Variants in FUT8 observed in about 807,000 individuals in gnomAD.
The protein encoded by FUT8 is fucosyltransferase 8.
In FUT8, 29 loss-of-function variants were observed where a neutral mutation model predicts 71.3. The observed-to-expected ratio is 0.41, with a 90% confidence interval of 0.30 to 0.55. The LOEUF (loss-of-function observed/expected upper bound fraction) is 0.55, where lower values mean the gene tolerates loss of function less well. Among genes scored for constraint, FUT8 ranks in the 20% least tolerant of loss-of-function variants. FUT8 has a pLI of 0.34. For synonymous variants in FUT8, 254 were observed against 239.3 expected, an observed-to-expected ratio of 1.06 and a Z score of -0.57; for missense variants, 544 against 702.1, an observed-to-expected ratio of 0.77 and a Z score of 2.55.
At chr14:65,568,488 A>T (rs1000009430) in intron 3 of FUT8, among the ~76,000 whole-genome samples, 3 of 151,452 alleles carry the variant, frequency 2.0e-5, no homozygotes, top group Non-Finnish European at 4.4e-5. Flanking sequence ...TTTTGTCATT[A>T]ATTTAAAATA....
intron 2 of FUT8, among the ~76,000 whole-genome samples, chr14:65,469,331 C>A (rs2066099675): frequency 6.6e-6 from 1 of 152,080 alleles, no homozygotes; most frequent in Non-Finnish European, 1.5e-5. Flanking sequence ...CATAGCCAGA[C>A]AGAATGTATC....
intron 2 of FUT8, among the ~76,000 whole-genome samples, chr14:65,538,530 G>A (rs1426726438): frequency 6.6e-6 from 1 of 152,156 alleles, no homozygotes; most frequent in Non-Finnish European, 1.5e-5. Context: ...CTGGAGCTGA[G>A]GACATGAAGC....
intron 2 of FUT8, among the ~76,000 whole-genome samples, chr14:65,478,760 T>C (rs143754591): frequency 0.01 from 1,586 of 152,342 alleles, 29 homozygotes; most frequent in African/African-American, 0.037. Flanking sequence ...CAATGAGATA[T>C]GTTTTCTTTG....
chr14:65,604,872 G>T (rs892150558), intron 3 of FUT8, among the ~76,000 whole-genome samples: 1 of 151,916 alleles, frequency 6.6e-6, no homozygotes, highest in Admixed American at 6.6e-5. Flanking sequence ...TATTCTGAGT[G>T]TTGTGCATAC....
At chr14:65,404,435 G>A in the FUT8 span, among the ~76,000 whole-genome samples, 1 of 151,704 alleles carries the variant, frequency 6.6e-6, no homozygotes, top group Non-Finnish European at 1.5e-5. Context: ...GCCTCCCAAA[G>A]TGCTGGGATT....
At chr14:65,473,021 T>A (rs1052637200) in intron 2 of FUT8, among the ~76,000 whole-genome samples, 2 of 152,148 alleles carry the variant, frequency 1.3e-5, no homozygotes, top group African/African-American at 4.8e-5. Context: ...TGTAAAAGAA[T>A]TACATGCAGT....
chr14:65,561,829 C>T, intron 3 of FUT8, 63 bp downstream of exon 3: 1 of 1,275,990 alleles, frequency 7.8e-7, no homozygotes, highest in Non-Finnish European at 1.1e-6. Context: ...AGGTGTAGGG[C>T]TTCATTCCGC....
chr14:65,650,251 A>G (rs1433869166), intron 6 of FUT8, among the ~76,000 whole-genome samples: 1 of 131,406 alleles, frequency 7.6e-6, no homozygotes, highest in Non-Finnish European at 1.6e-5. Context: ...GTGAGCCGAG[A>G]TCGTGCCACT....
At chr14:65,596,087 A>G (rs957335206) in intron 3 of FUT8, among the ~76,000 whole-genome samples, 8 of 152,202 alleles carry the variant, frequency 5.3e-5, no homozygotes, top group Admixed American at 1.3e-4. Flanking sequence ...ACAAACTGGT[A>G]ATCTGGATTC....
intron 2 of FUT8, among the ~76,000 whole-genome samples, chr14:65,547,364 T>C (rs1443384670): frequency 1.3e-5 from 2 of 151,476 alleles, no homozygotes; most frequent in East Asian, 1.9e-4. Flanking sequence ...TTCTGCTTGC[T>C]ATGTTTTGTG....
intron 3 of FUT8, among the ~76,000 whole-genome samples, chr14:65,598,684 T>G (rs1379134711): frequency 1.3e-5 from 2 of 152,222 alleles, no homozygotes; most frequent in African/African-American, 2.4e-5. Flanking sequence ...GAAAATAATG[T>G]GTTTTCATAG....
chr14:65,592,142 T>C (rs1023804746), intron 3 of FUT8, among the ~76,000 whole-genome samples: 2 of 152,162 alleles, frequency 1.3e-5, no homozygotes, highest in East Asian at 3.8e-4. Flanking sequence ...TCAGCTTCAT[T>C]TTTAAAACAG....
At chr14:65,449,253 A>C (rs1048844972) in intron 1 of FUT8, among the ~76,000 whole-genome samples, 2 of 152,228 alleles carry the variant, frequency 1.3e-5, no homozygotes, top group Non-Finnish European at 2.9e-5. Flanking sequence ...AATTGTTAGA[A>C]TAATTATAGG....
At chr14:65,368,342 C>CTT in the FUT8 span, among the ~76,000 whole-genome samples, 4 of 89,788 alleles carry the variant, frequency 4.5e-5, no homozygotes, top group Non-Finnish European at 4.7e-5. Context: ...CGTGAGCCAC[C>CTT]TTTTTTTTTT....
chr14:65,516,946 G>A (rs1243446404), intron 2 of FUT8, among the ~76,000 whole-genome samples: 1 of 150,172 alleles, frequency 6.7e-6, no homozygotes, highest in Non-Finnish European at 1.5e-5. Context: ...TAAGTATCTC[G>A]TATGAGTGGA....
At chr14:65,391,311 C>T in the FUT8 span, among the ~76,000 whole-genome samples, 5 of 152,108 alleles carry the variant, frequency 3.3e-5, no homozygotes, top group East Asian at 7.7e-4. Context: ...GATGATGTAG[C>T]TGTTTGAAAG....
chr14:65,494,361 T>C (rs1372848849), intron 2 of FUT8, among the ~76,000 whole-genome samples: 1 of 152,202 alleles, frequency 6.6e-6, no homozygotes, highest in East Asian at 1.9e-4. Flanking sequence ...TTCATATGGC[T>C]ACATTTGGCT....
At chr14:65,411,113 C>T (rs1257002805), upstream of FUT8, 2 of 152,090 alleles carry the variant, frequency 1.3e-5, no homozygotes, top group East Asian at 3.8e-4. Context: ...GAATTTTGTC[C>T]TGCTTATACG....
intron 1 of FUT8, among the ~76,000 whole-genome samples, chr14:65,416,874 C>T (rs1159738931): frequency 6.7e-6 from 1 of 149,724 alleles, no homozygotes; most frequent in East Asian, 2.0e-4. Flanking sequence ...GCCTTGAACT[C>T]CCTGGTTCAA....
Sources: allele counts gnomAD v4.1 joint callset (sites outside exome capture counted in the v4.1 genomes callset), GRCh38; gene constraint gnomAD v4.1.1; transcripts MANE v1.5; gene names NCBI Gene and HGNC (gene_info 2026-07-23, HGNC 2026-07-21).